The following WDR37 variants were observed in gnomAD, a reference collection of about 807,000 sequenced individuals.
The protein encoded by WDR37 is WD repeat domain 37, also known as WD repeat-containing protein 37.
WDR37 carries 19 observed loss-of-function variants against 62.9 expected under a neutral mutation model. That is an observed-to-expected ratio of 0.30 (90% confidence interval 0.21 to 0.44). WDR37 has a LOEUF of 0.44. Among genes scored for constraint, WDR37 ranks in the 20% least tolerant of loss-of-function variants. The probability of loss-of-function intolerance (pLI) is 1.00; values close to 1 mark genes in which losing one functional copy is unlikely to be tolerated. For missense variants in WDR37, 474 were observed against 657.6 expected, an observed-to-expected ratio of 0.72 and a Z score of 3.05; for synonymous variants, 250 against 260.9, an observed-to-expected ratio of 0.96 and a Z score of 0.40.
intron 7 of WDR37, among the ~76,000 whole-genome samples, chr10:1,092,579 C>T (rs932745643): frequency 2.0e-5 from 3 of 151,842 alleles, no homozygotes; most frequent in Non-Finnish European, 4.4e-5. Context: ...ACCATGGTCT[C>T]GATCTCCTGA....
At chr10:1,109,450 G>C (rs976168750) in intron 11 of WDR37, among the ~76,000 whole-genome samples, 1 of 152,224 alleles carries the variant, frequency 6.6e-6, no homozygotes, top group South Asian at 2.1e-4. Context: ...GCTTAGGCTG[G>C]GCGCGGTGGC....
chr10:1,123,434 CG>C (rs1835648439), intron 11 of WDR37, among the ~76,000 whole-genome samples: 1 of 152,198 alleles, frequency 6.6e-6, no homozygotes, highest in Non-Finnish European at 1.5e-5. Context: ...CCCCAGACCC[CG>C]AGAACCTCTG....
At position 1,105,037 on chromosome 10, in the gene WDR37, C is replaced by A; in HGVS notation, c.962-89C>A. ...GGTCAGGTTCACAGTCTCAGAGAGA[C>A]GGCTTCTTGGGTTCTTGTGCTGTTG... On this transcript the variant is annotated intron_variant, in intron 10 of 13. Coordinates refer to ENST00000263150, the MANE Select transcript of WDR37 (RefSeq NM_014023.4). The surrounding 1 kb of genome is among the most constrained non-coding windows in gnomAD (Gnocchi z 5.3). 6.6e-7 allele frequency: 1 copy of A among 1,510,128 alleles called. No homozygotes were observed. Among genetic ancestry groups the A allele is most frequent in the African/African-American group, 1.4e-5 (1 of 73,012 alleles). 93.5% of individuals were successfully genotyped at this position (1,510,128 alleles called of 1,614,324 possible).
intron 2 of WDR37, chr10:1,074,610 G>GACACC: frequency 2.9e-6 from 3 of 1,042,084 alleles, no homozygotes; most frequent in East Asian, 5.9e-5. Flanking sequence ...GTGGGCGGGA[G>GACACC]AGAGCTGTGG....
chr10:1,110,731 A>G (rs1402350220), intron 11 of WDR37, among the ~76,000 whole-genome samples: 1 of 152,140 alleles, frequency 6.6e-6, no homozygotes, highest in Non-Finnish European at 1.5e-5. Context: ...CCCTGCCACC[A>G]TGTCATTCTG....
intron 1 of WDR37, among the ~76,000 whole-genome samples, chr10:1,061,869 G>A (rs903979807): frequency 2.6e-5 from 4 of 151,734 alleles, no homozygotes; most frequent in African/African-American, 9.7e-5. Flanking sequence ...TTCAGGCTAC[G>A]TGCATGAGGT....
At chr10:1,098,146 G>A (rs753233268) in intron 9 of WDR37, among the ~76,000 whole-genome samples, 2 of 152,148 alleles carry the variant, frequency 1.3e-5, no homozygotes, top group African/African-American at 2.4e-5. Context: ...CTAACCCCCA[G>A]TGTGGCTGTA....
chr10:1,096,563 T>C, intron 9 of WDR37: 1 of 372,204 alleles, frequency 2.7e-6, no homozygotes, highest in Admixed American at 4.2e-5. Flanking sequence ...CACCAGAACC[T>C]GAATTGGCTT....
chr10:1,117,647 C>T (rs1367830726), intron 11 of WDR37, among the ~76,000 whole-genome samples: 4 of 152,140 alleles, frequency 2.6e-5, no homozygotes, highest in East Asian at 1.9e-4. Flanking sequence ...GGACAGACTC[C>T]GGAGACAGGT....
chr10:1,091,701 G>A (rs1036250278), intron 7 of WDR37, among the ~76,000 whole-genome samples: 3 of 152,166 alleles, frequency 2.0e-5, no homozygotes, highest in Non-Finnish European at 4.4e-5. Context: ...GTTTGCTTTG[G>A]GAACATCCCA....
chr10:1,090,043 T>G (rs1039084420), intron 7 of WDR37, among the ~76,000 whole-genome samples: 1 of 152,250 alleles, frequency 6.6e-6, no homozygotes, highest in African/African-American at 2.4e-5. Context: ...CTTCATTTGC[T>G]GCAACCTCCG....
intron 3 of WDR37, 33 bp from the exon 4 acceptor site, chr10:1,079,978 A>C (rs201199554): frequency 6.3e-7 from 1 of 1,597,334 alleles, no homozygotes; most frequent in East Asian, 2.2e-5. Flanking sequence ...ATAAAAACAT[A>C]CTTTAGATTT....
Position 1,072,102 on chromosome 10 carries a change from C to T in WDR37, c.-40-14C>T. ...CGCTGTATCAGAAACACTGTTTTTT[C>T]TTGCTGTTTTTAGCTTATTGCAGGA... On this transcript the variant is annotated splice_polypyrimidine_tract_variant and intron_variant, in intron 1 of 13. Transcript: ENST00000263150. The T allele has an allele frequency of 1.1e-5, 18 of 1,576,532 alleles. No individual in the cohort carries two copies. The highest frequency in any genetic ancestry group is 7.5e-5 in the Admixed American group (4 of 52,992).
intron 3 of WDR37, among the ~76,000 whole-genome samples, chr10:1,079,493 G>GTGTGAGCT (rs112801458): frequency 1.6e-4 from 24 of 152,108 alleles, no homozygotes; most frequent in Admixed American, 3.9e-4. Context: ...TGTAGCAAGT[G>GTGTGAGCT]TGTGAGCTTT....
At chr10:1,126,679 G>C (rs1835793572) in intron 13 of WDR37, among the ~76,000 whole-genome samples, 3 of 152,206 alleles carry the variant, frequency 2.0e-5, no homozygotes, top group African/African-American at 4.8e-5. Flanking sequence ...CAGCTGCTCT[G>C]CACGGGGTGT....
Position 1,093,530 on chromosome 10 carries a change from A to G in WDR37, c.649+34A>G, listed in dbSNP as rs373428241. 149 of 1,542,554 alleles carry G rather than the reference A, an allele frequency of 9.7e-5. No individual in the cohort carries two copies. The Middle Eastern group carries it at 1.4e-3, about 14-fold the overall frequency. ...ATTTTTTTCTTTATTGAACAAAATGATAGATGGTCTTAAAACAACTATAAA... is the reference window on the plus strand; with the variant it reads ...ATTTTTTTCTTTATTGAACAAAATGGTAGATGGTCTTAAAACAACTATAAA... On this transcript the variant is annotated intron_variant, in intron 8 of 13. Coordinates refer to ENST00000263150, the MANE Select transcript of WDR37 (RefSeq NM_014023.4).
At chr10:1,114,147 G>A (rs1334065290) in intron 11 of WDR37, among the ~76,000 whole-genome samples, 1 of 151,740 alleles carries the variant, frequency 6.6e-6, no homozygotes, top group East Asian at 1.9e-4. Flanking sequence ...AGTAGAGACA[G>A]GGTTTCACCA....
At chr10:1,092,872 C>CAAAAAAAAAAAAAA (rs56220560) in intron 7 of WDR37, among the ~76,000 whole-genome samples, 862 of 41,930 alleles carry the variant, frequency 0.021, 48 homozygotes, top group East Asian at 0.031. Flanking sequence ...CCCTATCTCA[C>CAAAAAAAAAAAAAA]AAAAAAAAAA....
rs370608518 is a variant in WDR37 at position 1,096,207 on chromosome 10, G to A, written c.687G>A (p.Ala229=). 1.4e-5 allele frequency: 22 copies of A among 1,614,112 alleles called. No individual in the cohort carries two copies. Among genetic ancestry groups the A allele is most frequent in the East Asian group, 6.7e-5 (3 of 44,876 alleles). The part of the protein sequence containing the change: ...GDQTAHIWRY[A]VQLPTPQPVA... The stretch of plus-strand genomic sequence containing the variant: ...AGACTGCTCATATCTGGAGATACGC[G>A]GTGCAGCTGCCGACACCCCAGCCTG... The change falls in exon 9 of 14, where the codon GCG becomes GCA. Residue 229 remains alanine (A), a synonymous_variant. Coordinates refer to ENST00000263150, the MANE Select transcript of WDR37 (RefSeq NM_014023.4).
Sources: allele counts gnomAD v4.1 joint callset (sites outside exome capture counted in the v4.1 genomes callset), GRCh38; gene constraint gnomAD v4.1.1; non-coding constraint Gnocchi (gnomAD v3.1); transcripts MANE v1.5; gene names NCBI Gene and HGNC (gene_info 2026-07-23, HGNC 2026-07-21).